Variants in PTPN14 observed in about 807,000 individuals in gnomAD.
The protein encoded by PTPN14 is tyrosine-protein phosphatase non-receptor type 14.
A neutral mutation model predicts 126.8 loss-of-function variants in PTPN14; 53 were observed. The ratio of observed to expected loss-of-function variants is 0.42; its 90% CI spans 0.34 to 0.53. PTPN14 has a LOEUF of 0.53. Ranked by LOEUF, PTPN14 falls within the 20% of genes least tolerant of loss-of-function variation. The probability of loss-of-function intolerance (pLI) is 0.08; values close to 1 mark genes in which losing one functional copy is unlikely to be tolerated. For synonymous variants in PTPN14, 630 were observed against 599.3 expected, an observed-to-expected ratio of 1.05 and a Z score of -0.75; for missense variants, 1,257 against 1,552.9, an observed-to-expected ratio of 0.81 and a Z score of 3.20.
intron 5 of PTPN14, among the ~76,000 whole-genome samples, chr1:214,405,780 T>C (rs1453350494): frequency 1.3e-5 from 2 of 152,214 alleles, no homozygotes; most frequent in Non-Finnish European, 2.9e-5. Context: ...ATGTATTTCA[T>C]ACTAGGTATT....
At chr1:214,430,863 G>C (rs1452133050) in intron 3 of PTPN14, among the ~76,000 whole-genome samples, 1 of 152,090 alleles carries the variant, frequency 6.6e-6, no homozygotes, top group Non-Finnish European at 1.5e-5. Context: ...ATTTTTATGT[G>C]ACCATCTAAT....
chr1:214,408,661 G>T (rs950851401), intron 5 of PTPN14, among the ~76,000 whole-genome samples: 20 of 152,098 alleles, frequency 1.3e-4, no homozygotes, highest in Non-Finnish European at 2.9e-4. Flanking sequence ...AATGAATAAC[G>T]CCAGATACAG....
intron 5 of PTPN14, among the ~76,000 whole-genome samples, chr1:214,405,316 T>C (rs1368454546): frequency 6.6e-6 from 1 of 152,200 alleles, no homozygotes; most frequent in Non-Finnish European, 1.5e-5. Flanking sequence ...TACACAGTTA[T>C]GTGTATACTC....
intron 1 of PTPN14, among the ~76,000 whole-genome samples, chr1:214,470,617 T>C (rs1660732194): frequency 6.6e-6 from 1 of 151,680 alleles, no homozygotes; most frequent in Non-Finnish European, 1.5e-5. Context: ...ACCCCATCGC[T>C]ACTAAAAATA....
intron 1 of PTPN14, among the ~76,000 whole-genome samples, chr1:214,489,298 A>C (rs1465626902): frequency 6.6e-6 from 1 of 152,178 alleles, no homozygotes; most frequent in Non-Finnish European, 1.5e-5. Context: ...GCTCAAGGAC[A>C]CAAAGCCAGG....
At chr1:214,424,243 C>T (rs113614987) in intron 3 of PTPN14, among the ~76,000 whole-genome samples, 68,081 of 146,918 alleles carry the variant, frequency 0.46, 15,439 homozygotes, top group Admixed American at 0.5. Flanking sequence ...TGCAGTGAGC[C>T]GAGATTGCAC....
chr1:214,526,099 G>A (rs976584874), intron 1 of PTPN14, among the ~76,000 whole-genome samples: 1 of 151,896 alleles, frequency 6.6e-6, no homozygotes, highest in Non-Finnish European at 1.5e-5. Context: ...CTGGGTAGCT[G>A]GGATTACAGG....
At chr1:214,452,373 G>A (rs1182567033) in intron 2 of PTPN14, among the ~76,000 whole-genome samples, 3 of 152,186 alleles carry the variant, frequency 2.0e-5, no homozygotes, top group African/African-American at 7.2e-5. Context: ...TCCTGCACCT[G>A]CTGCAATGTA....
chr1:214,515,210 T>G (rs1474173444), intron 1 of PTPN14, among the ~76,000 whole-genome samples: 1 of 152,122 alleles, frequency 6.6e-6, no homozygotes, highest in Non-Finnish European at 1.5e-5. Flanking sequence ...CAATGAAAAA[T>G]TTACACATTA....
intron 1 of PTPN14, among the ~76,000 whole-genome samples, chr1:214,469,346 T>G (rs1401948301): frequency 6.6e-6 from 1 of 152,212 alleles, no homozygotes; most frequent in Non-Finnish European, 1.5e-5. Context: ...CTATATTTTA[T>G]GTCCAATAGG....
At chr1:214,396,603 A>G (rs2102557034) in intron 8 of PTPN14, among the ~76,000 whole-genome samples, 1 of 152,356 alleles carries the variant, frequency 6.6e-6, no homozygotes, top group Admixed American at 6.5e-5. Context: ...ACACTACAGT[A>G]GATGTGAATT....
intron 1 of PTPN14, among the ~76,000 whole-genome samples, chr1:214,508,572 G>A (rs147320736): frequency 1.6e-3 from 246 of 152,186 alleles, no homozygotes; most frequent in African/African-American, 5.2e-3. Context: ...TCATTCATGA[G>A]ACTTGGAATC....
At chr1:214,542,784 G>C (rs888452053) in intron 1 of PTPN14, among the ~76,000 whole-genome samples, 7 of 152,188 alleles carry the variant, frequency 4.6e-5, no homozygotes, top group African/African-American at 1.7e-4. Flanking sequence ...GCATAACCCT[G>C]AGGAATAGTG....
At chr1:214,521,884 A>G (rs1655266221) in intron 1 of PTPN14, among the ~76,000 whole-genome samples, 1 of 146,426 alleles carries the variant, frequency 6.8e-6, no homozygotes, top group African/African-American at 2.6e-5. Context: ...GTTTCATAAG[A>G]TTTTTGTTGT....
intron 3 of PTPN14, among the ~76,000 whole-genome samples, chr1:214,424,101 GC>G (rs1325803779): frequency 3.3e-5 from 5 of 152,066 alleles, no homozygotes; most frequent in Admixed American, 3.3e-4. Context: ...TTCAAGACCA[GC>G]CTGGCCAAGA....
Position 214,384,533 on chromosome 1 carries a change from G to A in PTPN14, c.1322C>T (p.Pro441Leu). Residue 441 changes from proline to leucine, a missense_variant, in exon 13 of 19, where the codon CCA becomes CTA. By Grantham distance (98) the Pro-to-Leu change is moderately conservative. Around this residue, in one of 3 missense-constraint regions of PTPN14, gnomAD observed 1,021 missense variants for 1,183.3 expected, o/e 0.86. Coordinates refer to ENST00000366956, the MANE Select transcript of PTPN14 (RefSeq NM_005401.5). The surrounding 1 kb of genome is among the most constrained non-coding windows in gnomAD (Gnocchi z 5.3). Reference protein sequence around the residue: ...HSAIIVPSYRPTPDYETVMRQ... With the variant: ...HSAIIVPSYRLTPDYETVMRQ... ...CATGACTGTCTCATAATCGGGGGTT[G>A]GCCTGTACGAGGGCACGATGATCGC... 1 of 1,614,120 alleles carries A rather than the reference G, an allele frequency of 6.2e-7. No individual in the cohort carries two copies. The highest frequency in any genetic ancestry group is 8.5e-7 in the Non-Finnish European group (1 of 1,180,038).
chr1:214,364,784 TG>T lies in PTPN14; in HGVS notation c.3272-110del. ...GATGGTGAGTGTGTGTGTGTGTGTGTGTGTGTGTGTGTGTGTGTGTGTTTTA... is the reference window on the plus strand; with the variant it reads ...GATGGTGAGTGTGTGTGTGTGTGTGTTGTGTGTGTGTGTGTGTGTGTTTTA... On this transcript the variant is annotated intron_variant, in intron 17 of 18. Transcript: ENST00000366956. This position sits in a 1 kb window ranked among gnomAD's most constrained non-coding sequence, Gnocchi z 4.1. 3 of 854,286 alleles carry T rather than the reference TG, an allele frequency of 3.5e-6. No individual in the cohort carries two copies. Among genetic ancestry groups the T allele is most frequent in the Non-Finnish European group, 5.3e-6 (3 of 564,032 alleles). The allele number at this position is 854,286 out of a possible 1,614,324, so 52.9% of individuals were successfully genotyped here. A position where few individuals can be genotyped will look rare whatever the true frequency, so the allele number is the denominator to read the frequency against.
intron 13 of PTPN14, among the ~76,000 whole-genome samples, chr1:214,378,804 C>T (rs534405218): frequency 2.6e-5 from 4 of 152,192 alleles, no homozygotes; most frequent in African/African-American, 9.6e-5. Flanking sequence ...GTAACAGAGA[C>T]GGTGCCTCCC....
At chr1:214,457,584 C>G (rs1323410511) in intron 2 of PTPN14, among the ~76,000 whole-genome samples, 1 of 152,168 alleles carries the variant, frequency 6.6e-6, no homozygotes, top group African/African-American at 2.4e-5. Flanking sequence ...CTTATACTCA[C>G]TATTACCATT....
Sources: gnomAD v4.1 joint callset for allele counts (sites outside exome capture counted in the v4.1 genomes callset) on GRCh38, gnomAD v4.1.1 for gene constraint, gnomAD v4.1.1 regional missense constraint, Gnocchi (gnomAD v3.1) non-coding constraint, MANE v1.5 for transcripts, NCBI Gene and HGNC (gene_info 2026-07-23, HGNC 2026-07-21) for gene names.